The following SEMA3D variants were observed in gnomAD, a reference collection of about 807,000 sequenced individuals.
The protein encoded by SEMA3D is semaphorin 3D.
Under a neutral mutation model 100.1 loss-of-function variants are expected in SEMA3D, and 84 were observed. The ratio of observed to expected loss-of-function variants is 0.84; its 90% CI spans 0.70 to 1.01. The LOEUF (loss-of-function observed/expected upper bound fraction) is 1.01, where lower values mean the gene tolerates loss of function less well. Ranked by LOEUF, SEMA3D falls within the 50% of genes least tolerant of loss-of-function variation. SEMA3D has a pLI of 0.00. For missense variants in SEMA3D, 875 were observed against 934.1 expected, an observed-to-expected ratio of 0.94 and a Z score of 0.82; for synonymous variants, 312 against 320.7, an observed-to-expected ratio of 0.97 and a Z score of 0.29.
chr7:85,092,178 C>A (rs971014945), intron 4 of SEMA3D, among the ~76,000 whole-genome samples: 2 of 151,958 alleles, frequency 1.3e-5, no homozygotes, highest in Non-Finnish European at 2.9e-5. Context: ...AGTTCAAAAC[C>A]ATGAACAACA....
At chr7:85,148,044 A>G (rs899248351) in intron 2 of SEMA3D, among the ~76,000 whole-genome samples, 2 of 152,188 alleles carry the variant, frequency 1.3e-5, no homozygotes, top group East Asian at 1.9e-4. Context: ...TATCTCTTCT[A>G]TGGTCAGAGA....
chr7:85,017,671 A>T lies in SEMA3D; in HGVS notation c.1545+581T>A, dbSNP rs150987918. On this transcript the variant is annotated intron_variant, in intron 15 of 18. Transcript: ENST00000284136. The stretch of plus-strand genomic sequence containing the variant: ...GAATATCATATCAGAGAGTTATGAA[A>T]TAATGTTAAAGATTATTACTATTAT... Among the ~76,000 whole-genome samples, 13 of 151,950 alleles carry T rather than the reference A, an allele frequency of 8.6e-5. 2 individuals carry two copies. Among genetic ancestry groups the T allele is most frequent in the African/African-American group, 3.1e-4 (13 of 41,530 alleles).
intron 3 of SEMA3D, among the ~76,000 whole-genome samples, chr7:85,111,673 C>T (rs989118266): frequency 6.6e-6 from 1 of 152,012 alleles, no homozygotes; most frequent in African/African-American, 2.4e-5. Context: ...TTCTATTATT[C>T]TGAGAGTCAG....
intron 9 of SEMA3D, among the ~76,000 whole-genome samples, chr7:85,044,170 T>C (rs998627239): frequency 1.3e-4 from 20 of 152,190 alleles, no homozygotes; most frequent in Non-Finnish European, 2.6e-4. Flanking sequence ...GAAACTTTCT[T>C]CTTTTATCTC....
intron 8 of SEMA3D, among the ~76,000 whole-genome samples, chr7:85,059,511 T>C (rs560266433): frequency 6.6e-6 from 1 of 152,226 alleles, no homozygotes; most frequent in African/African-American, 2.4e-5. Context: ...TGCAGCATGA[T>C]GTCCCTTGAA....
intron 1 of SEMA3D, among the ~76,000 whole-genome samples, chr7:85,185,961 C>T (rs1791532585): frequency 6.6e-6 from 1 of 152,182 alleles, no homozygotes. Context: ...TTTGCCTTAA[C>T]CACATTTCAG....
intron 12 of SEMA3D, among the ~76,000 whole-genome samples, chr7:85,036,160 A>G (rs527424933): frequency 6.6e-6 from 1 of 152,146 alleles, no homozygotes; most frequent in South Asian, 2.1e-4. Context: ...TATTAGGTCA[A>G]TAAATAATCC....
chr7:85,070,710 C>T (rs1178181429), intron 6 of SEMA3D, among the ~76,000 whole-genome samples: 1 of 152,200 alleles, frequency 6.6e-6, no homozygotes, highest in African/African-American at 2.4e-5. Context: ...TTGACTGCCC[C>T]AGGGCTTCTT....
At chr7:85,017,365 T>C (rs1763946127) in intron 15 of SEMA3D, among the ~76,000 whole-genome samples, 2 of 151,874 alleles carry the variant, frequency 1.3e-5, no homozygotes, top group Admixed American at 6.6e-5. Context: ...TTCTGGAGGT[T>C]AATGGCGAGC....
chr7:85,081,424 C>A, intron 5 of SEMA3D, 93 bp downstream of exon 5: 1 of 782,116 alleles, frequency 1.3e-6, no homozygotes, highest in African/African-American at 1.7e-5. Flanking sequence ...AAATAATACA[C>A]TAATACCATT....
chr7:85,151,557 A>C, intron 2 of SEMA3D: 1 of 847,162 alleles, frequency 1.2e-6, no homozygotes, highest in East Asian at 1.2e-4. Context: ...TGCTGGTTAA[A>C]ATAGAGCACC....
chr7:85,098,435 T>C (rs1788640474), intron 3 of SEMA3D, among the ~76,000 whole-genome samples: 1 of 151,896 alleles, frequency 6.6e-6, no homozygotes, highest in South Asian at 2.1e-4. Context: ...TGCAAATCTA[T>C]AAAATTAATT....
chr7:85,099,476 T>C (rs934353003), intron 3 of SEMA3D, among the ~76,000 whole-genome samples: 1 of 151,878 alleles, frequency 6.6e-6, no homozygotes, highest in South Asian at 2.1e-4. Context: ...AATTACCTAA[T>C]CTCAGGTATG....
At chr7:85,066,431 G>A (rs1229750135) in intron 7 of SEMA3D, among the ~76,000 whole-genome samples, 1 of 151,658 alleles carries the variant, frequency 6.6e-6, no homozygotes, top group Non-Finnish European at 1.5e-5. Context: ...ATGGAAAGAA[G>A]GGGAGTGAGA....
chr7:85,181,357 C>CAAACACACACAT (rs1791405639), intron 1 of SEMA3D, among the ~76,000 whole-genome samples: 1 of 146,704 alleles, frequency 6.8e-6, no homozygotes, highest in Non-Finnish European at 1.5e-5. Context: ...CACACACACA[C>CAAACACACACAT]ACACATGCAC....
At chr7:85,168,051 G>T (rs1391726057) in intron 1 of SEMA3D, among the ~76,000 whole-genome samples, 1 of 151,802 alleles carries the variant, frequency 6.6e-6, no homozygotes, top group Non-Finnish European at 1.5e-5. Flanking sequence ...ATTTTGGACT[G>T]GGGTGTATAT....
intron 2 of SEMA3D, among the ~76,000 whole-genome samples, chr7:85,137,882 CCTTATCCAAAAAACATTT>C (rs1368412631): frequency 5.3e-5 from 8 of 152,264 alleles, no homozygotes; most frequent in South Asian, 4.1e-4. Context: ...CCTGATCCAA[CCTTATCCAAAAAACATTT>C]CTGGGTAAGT....
At chr7:85,069,183 T>C (rs1005808439) in intron 6 of SEMA3D, among the ~76,000 whole-genome samples, 8 of 152,242 alleles carry the variant, frequency 5.3e-5, no homozygotes, top group African/African-American at 1.7e-4. Context: ...AGAACACACA[T>C]GTAATAAAAA....
chr7:85,099,278 C>T (rs1451062454), intron 3 of SEMA3D, among the ~76,000 whole-genome samples: 1 of 151,764 alleles, frequency 6.6e-6, no homozygotes, highest in Admixed American at 6.6e-5. Context: ...GGTGGTTTCC[C>T]CATACTGTTC....
Sources: gnomAD v4.1 joint callset for allele counts (sites outside exome capture counted in the v4.1 genomes callset) on GRCh38, gnomAD v4.1.1 for gene constraint, MANE v1.5 for transcripts, NCBI Gene and HGNC (gene_info 2026-07-23, HGNC 2026-07-21) for gene names.